The following SDK1 variants were observed in gnomAD, a reference collection of about 807,000 sequenced individuals.
SDK1 encodes protein sidekick-1.
Under a neutral mutation model 245.5 loss-of-function variants are expected in SDK1, and 157 were observed. The ratio of observed to expected loss-of-function variants is 0.64; its 90% CI spans 0.56 to 0.73. The LOEUF (loss-of-function observed/expected upper bound fraction) is 0.73. Among genes scored for constraint, SDK1 ranks in the 30% least tolerant of loss-of-function variants. SDK1 has a pLI of 0.00. For missense variants in SDK1, 3,583 were observed against 3,002.3 expected, an observed-to-expected ratio of 1.19 and a Z score of -4.52; for synonymous variants, 1,647 against 1,278.5, an observed-to-expected ratio of 1.29 and a Z score of -6.15.
intron 20 of SDK1, among the ~76,000 whole-genome samples, chr7:4,074,279 G>A (rs919899933): frequency 3.9e-5 from 6 of 152,182 alleles, no homozygotes; most frequent in Admixed American, 3.3e-4. Flanking sequence ...TGAAGCAGGG[G>A]CTTAGTGTAT....
chr7:3,929,375 A>G (rs1182716260), intron 5 of SDK1, among the ~76,000 whole-genome samples: 3 of 152,154 alleles, frequency 2.0e-5, no homozygotes, highest in African/African-American at 7.2e-5. Flanking sequence ...ACACCTGCCC[A>G]TTTGGCGGGG....
intron 19 of SDK1, among the ~76,000 whole-genome samples, chr7:4,063,867 A>G (rs1255944221): frequency 6.6e-6 from 1 of 152,104 alleles, no homozygotes; most frequent in African/African-American, 2.4e-5. Flanking sequence ...GATACCTTCA[A>G]TAATTTTGGT....
At chr7:3,592,837 G>A (rs1194121758) in intron 1 of SDK1, among the ~76,000 whole-genome samples, 1 of 152,214 alleles carries the variant, frequency 6.6e-6, no homozygotes, top group African/African-American at 2.4e-5. Flanking sequence ...TGTTTGTTGT[G>A]TTTTGAAACA....
intron 5 of SDK1, among the ~76,000 whole-genome samples, chr7:3,921,235 A>G (rs1442592942): frequency 6.6e-6 from 1 of 152,258 alleles, no homozygotes; most frequent in Non-Finnish European, 1.5e-5. Context: ...GAGATCATAC[A>G]GCACACACTG....
At chr7:3,670,494 G>C (rs1354476000) in intron 4 of SDK1, among the ~76,000 whole-genome samples, 1 of 152,194 alleles carries the variant, frequency 6.6e-6, no homozygotes, top group African/African-American at 2.4e-5. Flanking sequence ...TTGAACCTAT[G>C]CATCAGTGTT....
At chr7:3,582,179 G>T (rs1427742427) in intron 1 of SDK1, among the ~76,000 whole-genome samples, 1 of 151,168 alleles carries the variant, frequency 6.6e-6, no homozygotes, top group Non-Finnish European at 1.5e-5. Context: ...CCTCAGGTAG[G>T]CCTGTCTCAG....
intron 14 of SDK1, among the ~76,000 whole-genome samples, chr7:3,991,213 C>A (rs1219235548): frequency 6.6e-6 from 1 of 152,168 alleles, no homozygotes; most frequent in African/African-American, 2.4e-5. Context: ...CAGCAAGGAC[C>A]CCTCAGTGCC....
chr7:3,760,284 T>C (rs1212989278), intron 4 of SDK1, among the ~76,000 whole-genome samples: 1 of 152,232 alleles, frequency 6.6e-6, no homozygotes, highest in Admixed American at 6.5e-5. Flanking sequence ...GTATTTCAGA[T>C]GACCACAGTT....
intron 4 of SDK1, among the ~76,000 whole-genome samples, chr7:3,688,361 C>T (rs2217607): frequency 0.55 from 83,668 of 152,120 alleles, 26,757 homozygotes; most frequent in Non-Finnish European, 0.73. Flanking sequence ...TCTGGTCTTA[C>T]GCCCTTTGGC....
At chr7:3,576,783 G>C (rs796293704) in intron 1 of SDK1, among the ~76,000 whole-genome samples, 15 of 152,066 alleles carry the variant, frequency 9.9e-5, no homozygotes, top group African/African-American at 3.4e-4. Context: ...TTTTGTTCCT[G>C]ATGCTTCCTT....
At chr7:4,182,927 G>C (rs1293612817) in intron 35 of SDK1, among the ~76,000 whole-genome samples, 4 of 152,246 alleles carry the variant, frequency 2.6e-5, no homozygotes, top group Non-Finnish European at 5.9e-5. Flanking sequence ...TGAGCCCATG[G>C]TATTGCAGTC....
chr7:3,301,277 G>GGGCGGCGGCGGCGGC lies in SDK1; in HGVS notation c.-306_-292dup, dbSNP rs540876108. Among the ~76,000 whole-genome samples, 1 of 145,758 alleles carries GGGCGGCGGCGGCGGC rather than the reference G, an allele frequency of 6.9e-6. No homozygotes were observed. The highest frequency in any genetic ancestry group is 2.5e-5 in the African/African-American group (1 of 40,220). On this transcript the variant is annotated 5_prime_UTR_variant, in exon 1 of 45. Coordinates refer to ENST00000404826, the MANE Select transcript of SDK1 (RefSeq NM_152744.4). ...GCACTTTCTTCTCAGCGCCGGGCGG[G>GGGCGGCGGCGGCGGC]GGCGGCGGCGGCGGCGGCTCCTCCG...
At position 4,137,678 on chromosome 7, in the gene SDK1, C is replaced by T. The variant is rs112807835; in HGVS notation, c.4228+5255C>T. ...CATAATTCACCCATACCCTTAAAAA[C>T]AGGGCTCCTCGTAAGCCGCATTTTA... On this transcript the variant is annotated intron_variant, in intron 28 of 44. Transcript: ENST00000404826. Among the ~76,000 whole-genome samples, 732 of 152,368 alleles carry T rather than the reference C, an allele frequency of 4.8e-3. 11 individuals are homozygous for T. Among genetic ancestry groups the T allele is most frequent in the African/African-American group, 0.017 (704 of 41,586 alleles).
chr7:3,356,227 G>T (rs1164582816), intron 1 of SDK1, among the ~76,000 whole-genome samples: 2 of 152,016 alleles, frequency 1.3e-5, no homozygotes, highest in African/African-American at 4.8e-5. Context: ...TAGTCATCCT[G>T]TACCTTTTAG....
At chr7:3,464,465 G>C (rs1780927734) in intron 1 of SDK1, among the ~76,000 whole-genome samples, 1 of 152,156 alleles carries the variant, frequency 6.6e-6, no homozygotes, top group African/African-American at 2.4e-5. Flanking sequence ...AGGCTACAGT[G>C]AACTACGATT....
chr7:3,958,990 G>A lies in SDK1; in HGVS notation c.1210G>A (p.Val404Met). ...SRISAEVEET[V>M]DIGCQAMGVP... is the part of the protein sequence containing the mutation. ...GATTTCAGCTGAAGTAGAAGAAACT[G>A]TGGACATCGGATGTCAAGCCATGGG... The change falls in exon 8 of 45, where the codon GTG becomes ATG. Residue 404 changes from valine to methionine, a missense_variant. Coordinates refer to ENST00000404826, the MANE Select transcript of SDK1 (RefSeq NM_152744.4). 6.2e-7 allele frequency: 1 copy of A among 1,613,942 alleles called. No individual in the cohort carries two copies. The highest frequency in any genetic ancestry group is 1.3e-5 in the African/African-American group (1 of 75,016).
chr7:3,563,466 G>A (rs2128626887), intron 1 of SDK1, among the ~76,000 whole-genome samples: 1 of 152,244 alleles, frequency 6.6e-6, no homozygotes, highest in East Asian at 1.9e-4. Flanking sequence ...TATTATTAAA[G>A]ATGAAGAGGA....
intron 4 of SDK1, among the ~76,000 whole-genome samples, chr7:3,662,236 C>G (rs1474490498): frequency 6.6e-6 from 1 of 152,036 alleles, no homozygotes; most frequent in Non-Finnish European, 1.5e-5. Context: ...TGAAATGGGT[C>G]CTACGGGAAA....
intron 42 of SDK1, 79 bp from the exon 43 acceptor site, chr7:4,241,714 G>A (rs532845529): frequency 8.0e-5 from 126 of 1,580,362 alleles, no homozygotes; most frequent in Non-Finnish European, 1.0e-4. Flanking sequence ...GAGCTGCCCC[G>A]CTGGCCAGCT....
Sources: allele counts gnomAD v4.1 joint callset (sites outside exome capture counted in the v4.1 genomes callset), GRCh38; gene constraint gnomAD v4.1.1; transcripts MANE v1.5; gene names NCBI Gene and HGNC (gene_info 2026-07-23, HGNC 2026-07-21).